Variants in MYLK observed in about 807,000 individuals in gnomAD.
The protein encoded by MYLK is myosin light chain kinase, smooth muscle.
MYLK carries 106 observed loss-of-function variants against 203.4 expected under a neutral mutation model. That is an observed-to-expected ratio of 0.52 (90% CI 0.45 to 0.61). The LOEUF (loss-of-function observed/expected upper bound fraction) is 0.61, where lower values mean the gene tolerates loss of function less well. MYLK is among the 20% of genes least tolerant of loss of function. The pLI is 0.00. For missense variants in MYLK, 2,072 were observed against 2,442.3 expected (o/e 0.85, Z 3.20); for synonymous variants, 867 against 959.5 (o/e 0.90, Z 1.78).
chr3:123,720,566 A>G (rs538342661), intron 13 of MYLK, among the ~76,000 whole-genome samples: 60 of 152,352 alleles, frequency 3.9e-4, no homozygotes, highest in Middle Eastern at 3.4e-3. Flanking sequence ...GGTTCTCAGC[A>G]GTTCAGGTTT....
chr3:123,660,027 T>C (rs775265301), intron 23 of MYLK, among the ~76,000 whole-genome samples: 31 of 152,236 alleles, frequency 2.0e-4, no homozygotes, highest in Admixed American at 3.9e-4. Context: ...CCAGTGGCTA[T>C]GCCTAGCCCC....
rs1054803767 is a variant in MYLK, at chr3:123,884,287, G to T, written c.-267C>A. On this transcript the variant is annotated 5_prime_UTR_variant, in exon 1 of 34. Coordinates refer to ENST00000360304, the MANE Select transcript of MYLK (RefSeq NM_053025.4). ...GCCGCAGGCGCACAGCGCGGGCTCCGAGCTCGCTCAGCGCCCTGCTGCCGA... is the reference window on the plus strand; with the variant it reads ...GCCGCAGGCGCACAGCGCGGGCTCCTAGCTCGCTCAGCGCCCTGCTGCCGA... The T allele has an allele frequency of 6.8e-6, 1 of 147,764 alleles. No individual in the cohort carries two copies. Among genetic ancestry groups the T allele is most frequent in the Non-Finnish European group, 1.5e-5 (1 of 66,508 alleles). The allele number at this position is 147,764 out of a possible 1,614,324, so 9.2% of individuals were successfully genotyped here. A position where few individuals can be genotyped will look rare whatever the true frequency, so the allele number is the denominator to read the frequency against.
intron 2 of MYLK, among the ~76,000 whole-genome samples, chr3:123,871,315 A>G (rs376205236): frequency 2.1e-4 from 32 of 152,340 alleles, no homozygotes; most frequent in African/African-American, 6.7e-4. Context: ...CAAAACAAGC[A>G]GAATATATGA....
intron 8 of MYLK, chr3:123,737,155 G>C (rs2062699762): frequency 1.8e-6 from 1 of 552,108 alleles, no homozygotes; most frequent in East Asian, 3.2e-5. Flanking sequence ...GGTGGCGGAG[G>C]TTGCAGTGAG....
chr3:123,616,739 G>T (rs1167465764), intron 33 of MYLK: 3 of 152,128 alleles, frequency 2.0e-5, no homozygotes, highest in Admixed American at 6.5e-5. Context: ...TGCGGATCTG[G>T]TTGTTAAAAC....
At chr3:123,770,289 A>G (rs967666472) in intron 4 of MYLK, among the ~76,000 whole-genome samples, 2 of 152,186 alleles carry the variant, frequency 1.3e-5, no homozygotes, top group African/African-American at 4.8e-5. Context: ...ATGCCATTAT[A>G]TTCCAGCCTG....
Position 123,620,332 on chromosome 3 carries a change from G to A in MYLK, c.5243C>T (p.Thr1748Met), listed in dbSNP as rs2057783569. The change falls in exon 32 of 34, where the codon ACG (threonine) becomes ATG (methionine). Residue 1748 changes from threonine (T) to methionine (M), a missense_variant. By Grantham distance (81) the Thr-to-Met change is moderately conservative. This residue lies in a region of MYLK where 524 missense variants were observed against 782.4 expected (regional missense o/e 0.67). Coordinates refer to ENST00000360304, the MANE Select transcript of MYLK (RefSeq NM_053025.4). ...TCCAATGGCTCTCACAGCATTGCCC[G>A]TTTTCTGGAAAATAGACACGAGGGT... ...KYMARRKWQK[T>M]GNAVRAIGRL... 1 of 1,614,028 alleles carries A rather than the reference G, an allele frequency of 6.2e-7. No individual in the cohort carries two copies. Among genetic ancestry groups the A allele is most frequent in the Non-Finnish European group, 8.5e-7 (1 of 1,179,992 alleles).
At chr3:123,868,511 C>A (rs1053194043) in intron 2 of MYLK, among the ~76,000 whole-genome samples, 2 of 152,186 alleles carry the variant, frequency 1.3e-5, no homozygotes, top group African/African-American at 4.8e-5. Context: ...TCATCTAATC[C>A]TCACAAAAAC....
rs777218222 is a variant in MYLK, at chr3:123,614,356, C to G, written c.5501-7G>C. 6.2e-7 allele frequency: 1 copy of G among 1,614,164 alleles called. No individual in the cohort carries two copies. Among genetic ancestry groups the G allele is most frequent in the East Asian group, 2.2e-5 (1 of 44,880 alleles). On this transcript the variant is annotated splice_region_variant and splice_polypyrimidine_tract_variant and intron_variant, in intron 33 of 33. Transcript: ENST00000360304. ...ACCTCGGGGTCTGGGTATCCTGCAT[C>G]ACAGGGAGAGAACACAAGTTGCAGG...
At chr3:123,758,804 A>G (rs1464113385) in intron 4 of MYLK, among the ~76,000 whole-genome samples, 1 of 152,178 alleles carries the variant, frequency 6.6e-6, no homozygotes, top group East Asian at 1.9e-4. Context: ...CCAAACAAAG[A>G]TACAGATTTT....
intron 20 of MYLK, chr3:123,681,855 C>A: frequency 3.0e-6 from 1 of 334,156 alleles, no homozygotes; most frequent in Non-Finnish European, 5.8e-6. Flanking sequence ...AGTTACAATC[C>A]AGAAAGAGCC....
chr3:123,874,771 G>A (rs2148716788), intron 2 of MYLK, among the ~76,000 whole-genome samples: 1 of 152,138 alleles, frequency 6.6e-6, no homozygotes, highest in East Asian at 1.9e-4. Context: ...AATATATAAA[G>A]AGCTCTCAAA....
At chr3:123,867,317 C>T (rs956055836) in intron 2 of MYLK, among the ~76,000 whole-genome samples, 5 of 151,720 alleles carry the variant, frequency 3.3e-5, no homozygotes, top group African/African-American at 1.2e-4. Flanking sequence ...ACCTCTGGTA[C>T]CTGTGAATGT....
chr3:123,847,202 A>G (rs2030127021), intron 2 of MYLK, among the ~76,000 whole-genome samples: 1 of 152,172 alleles, frequency 6.6e-6, no homozygotes, highest in Non-Finnish European at 1.5e-5. Context: ...ATACAGCAGG[A>G]TACATGTAGA....
At chr3:123,875,382 A>G (rs936245218) in intron 2 of MYLK, among the ~76,000 whole-genome samples, 1 of 152,194 alleles carries the variant, frequency 6.6e-6, no homozygotes, top group Non-Finnish European at 1.5e-5. Context: ...CCTACAAACC[A>G]TGACTCCATT....
chr3:123,724,166 T>G (rs1434490765), intron 12 of MYLK, among the ~76,000 whole-genome samples: 1 of 55,898 alleles, frequency 1.8e-5, no homozygotes, highest in East Asian at 7.1e-4. Flanking sequence ...TTTTTTTTTG[T>G]AGAGACAGGT....
At chr3:123,800,759 C>T (rs762714990) in intron 3 of MYLK, among the ~76,000 whole-genome samples, 1 of 152,154 alleles carries the variant, frequency 6.6e-6, no homozygotes, top group Non-Finnish European at 1.5e-5. Flanking sequence ...TAAGTTTTCC[C>T]TTGATTCATA....
Position 123,648,848 on chromosome 3 carries a change from ACT to A in MYLK, c.4415+121_4415+122del. On this transcript the variant is annotated intron_variant, in intron 26 of 33. Coordinates refer to ENST00000360304, the MANE Select transcript of MYLK (RefSeq NM_053025.4). This position sits in a 1 kb window ranked among gnomAD's most constrained non-coding sequence, Gnocchi z 4.5. ...GGGTCAGTCCTTTGGATCCTGCAGGACTCTCAGTCTGGGGAGGAGGCAGGCCC... is the reference window on the plus strand; with the variant it reads ...GGGTCAGTCCTTTGGATCCTGCAGGACTCAGTCTGGGGAGGAGGCAGGCCC... 1 of 817,602 alleles carries A rather than the reference ACT, an allele frequency of 1.2e-6. No homozygotes were observed. The highest frequency in any genetic ancestry group is 2.1e-6 in the Non-Finnish European group (1 of 476,230). 50.6% of individuals were successfully genotyped at this position (817,602 alleles called of 1,614,324 possible).
chr3:123,627,991 C>T (rs1361827541), intron 30 of MYLK, among the ~76,000 whole-genome samples: 1 of 152,194 alleles, frequency 6.6e-6, no homozygotes, highest in Non-Finnish European at 1.5e-5. Context: ...GCTTGGATGA[C>T]AAAAGCCATC....
Sources: allele counts gnomAD v4.1 joint callset (sites outside exome capture counted in the v4.1 genomes callset), GRCh38; gene constraint gnomAD v4.1.1; regional missense constraint gnomAD v4.1.1; non-coding constraint Gnocchi (gnomAD v3.1); transcripts MANE v1.5; gene names NCBI Gene and HGNC (gene_info 2026-07-23, HGNC 2026-07-21).